The following NBPF9 variants were observed in gnomAD, a reference collection of about 807,000 sequenced individuals.
The protein encoded by NBPF9 is NBPF family member NBPF9.
NBPF9 carries 91 observed loss-of-function variants against 97.8 expected under a neutral mutation model. The ratio of observed to expected loss-of-function variants is 0.93; its 90% confidence interval spans 0.79 to 1.11. NBPF9 has a LOEUF of 1.11. NBPF9 is among the 50% of genes least tolerant of loss of function. NBPF9 has a pLI of 0.00. For synonymous variants in NBPF9, 334 were observed against 359.5 expected (o/e 0.93, Z 0.80); for missense variants, 992 against 939.5 (o/e 1.06, Z -0.73).
At chr1:149,063,534 A>G (rs1342743794) in intron 20 of NBPF9, 99 bp downstream of exon 20, 4 of 699,242 alleles carry the variant, frequency 5.7e-6, no homozygotes, top group African/African-American at 3.7e-5. Flanking sequence ...CCCTGTGGCA[A>G]TGACATCTCT....
intron 16 of NBPF9, among the ~76,000 whole-genome samples, chr1:149,070,357 A>G (rs2079304125): frequency 6.8e-6 from 1 of 147,024 alleles, no homozygotes; most frequent in African/African-American, 2.5e-5. Context: ...CCACGATGCT[A>G]CAAAGAAACA....
intron 12 of NBPF9, among the ~76,000 whole-genome samples, chr1:149,074,229 T>C (rs1485466738): frequency 6.6e-6 from 1 of 151,388 alleles, no homozygotes; most frequent in Admixed American, 6.6e-5. Flanking sequence ...CATGAAGTAG[T>C]GATTTCTTGT....
At chr1:149,100,762 C>A (rs1290526489) in intron 3 of NBPF9, among the ~76,000 whole-genome samples, 1 of 152,078 alleles carries the variant, frequency 6.6e-6, no homozygotes, top group African/African-American at 2.4e-5. Flanking sequence ...GTTGAATCCC[C>A]ATCTCTACAA....
At chr1:149,072,959 A>G in intron 13 of NBPF9, 27 bp from the exon 14 acceptor site, 1 of 1,602,162 alleles carries the variant, frequency 6.2e-7, no homozygotes, top group Non-Finnish European at 8.5e-7. Context: ...GAGAAAAATT[A>G]AGAGTGGAAA....
At chr1:149,072,578 A>G (rs1553653189) in intron 14 of NBPF9, 140 bp downstream of exon 14, 5 of 1,418,916 alleles carry the variant, frequency 3.5e-6, no homozygotes, top group Admixed American at 1.9e-5. Context: ...TTCTTACCCA[A>G]GAAGTCCTTG....
At chr1:149,086,850 T>C (rs1575865855) in intron 5 of NBPF9, among the ~76,000 whole-genome samples, 2 of 152,096 alleles carry the variant, frequency 1.3e-5, no homozygotes, top group East Asian at 3.9e-4. Flanking sequence ...CTCAGGTTGG[T>C]CTGGAAACAC....
At chr1:149,079,805 G>A (rs1553655989) in intron 8 of NBPF9, among the ~76,000 whole-genome samples, 2 of 152,254 alleles carry the variant, frequency 1.3e-5, no homozygotes, top group South Asian at 4.2e-4. Flanking sequence ...GGTGAATTTT[G>A]TGTTATGTAA....
Position 149,077,414 on chromosome 1 carries a change from A to T in NBPF9, c.572T>A (p.Val191Glu), listed in dbSNP as rs1263130845. 2.5e-6 allele frequency: 4 copies of T among 1,609,346 alleles called. No homozygotes were observed. In the African/African-American group the frequency reaches 5.4e-5, roughly 22 times the overall value. The change falls in exon 11 of 30, where the codon GTG (valine) becomes GAG (glutamate). Residue 191 changes from valine to glutamate, a missense_variant. By Grantham distance (121) the Val-to-Glu change is moderately radical. Coordinates refer to ENST00000584027, the Ensembl canonical transcript of NBPF9. Reference sequence around the variant, plus strand: ...GACTTTGCTCTCTTCAGCCTTCTGCACCTCCCTGATGAGCCAGGTGGGACA... The same window carrying T: ...GACTTTGCTCTCTTCAGCCTTCTGCTCCTCCCTGATGAGCCAGGTGGGACA...
At chr1:149,071,197 C>A in intron 15 of NBPF9, 58 bp from the exon 16 acceptor site, 1 of 1,177,552 alleles carries the variant, frequency 8.5e-7, no homozygotes, top group Non-Finnish European at 1.2e-6. Context: ...GATTGGACCC[C>A]AGGGAGTCCT....
intron 3 of NBPF9, among the ~76,000 whole-genome samples, chr1:149,100,730 T>C (rs2082092222): frequency 6.6e-6 from 1 of 152,206 alleles, no homozygotes. Flanking sequence ...GCCCAACAGT[T>C]TGAGACCAAC....
At position 149,060,332 on chromosome 1, in the gene NBPF9, T is replaced by C; in HGVS notation, c.2476+191A>G. Reference sequence around the variant, plus strand: ...GTATGGCCTGAGACTAGGAAGAGAGTCTTGCCCACTGACCCATCCCTCATC... The same window carrying C: ...GTATGGCCTGAGACTAGGAAGAGAGCCTTGCCCACTGACCCATCCCTCATC... On this transcript the variant is annotated intron_variant, in intron 24 of 29. Coordinates refer to ENST00000584027, the Ensembl canonical transcript of NBPF9. The C allele has an allele frequency of 4.5e-6, 2 of 442,416 alleles. 1 individual carries two copies. The highest frequency in any genetic ancestry group is 5.1e-5 in the South Asian group (2 of 39,564). The allele number at this position is 442,416 out of a possible 1,614,324, so 27.4% of individuals were successfully genotyped here.
At chr1:149,059,631 T>C in intron 25 of NBPF9, 69 bp downstream of exon 25, 1 of 543,304 alleles carries the variant, frequency 1.8e-6, no homozygotes, top group East Asian at 2.6e-5. Flanking sequence ...AAACACACTC[T>C]GGTTTCCCTG....
At chr1:149,066,035 T>C in intron 17 of NBPF9, 1 of 448,860 alleles carries the variant, frequency 2.2e-6, no homozygotes, top group Admixed American at 3.6e-5. Context: ...ACATGCAGCA[T>C]TCAAGTGAAG....
intron 4 of NBPF9, among the ~76,000 whole-genome samples, chr1:149,097,353 C>T (rs1421069014): frequency 6.6e-6 from 1 of 152,174 alleles, no homozygotes; most frequent in African/African-American, 2.4e-5. Flanking sequence ...ACAACCCCTT[C>T]TTCCTCCTCT....
At chr1:149,088,560 G>C (rs1178759722) in intron 5 of NBPF9, among the ~76,000 whole-genome samples, 4 of 152,086 alleles carry the variant, frequency 2.6e-5, no homozygotes, top group African/African-American at 9.7e-5. Flanking sequence ...AATGGGGTTG[G>C]AAGTGTTGCC....
chr1:149,081,411 C>T (rs2080427429), intron 7 of NBPF9, among the ~76,000 whole-genome samples: 1 of 151,000 alleles, frequency 6.6e-6, no homozygotes, highest in Admixed American at 6.6e-5. Context: ...AGCCACGTTG[C>T]ACGGCCCCTA....
Sources: allele counts gnomAD v4.1 joint callset (sites outside exome capture counted in the v4.1 genomes callset), GRCh38; gene constraint gnomAD v4.1.1; transcripts MANE v1.5; gene names NCBI Gene and HGNC (gene_info 2026-07-23, HGNC 2026-07-21).